Variants in IRAG1 observed in about 807,000 individuals in gnomAD.
The protein encoded by IRAG1 is inositol 1,4,5-triphosphate receptor associated 1, also known as IP3R-associated cGMP kinase substrate.
IRAG1 carries 62 observed loss-of-function variants against 106.2 expected under a neutral mutation model. The ratio of observed to expected loss-of-function variants is 0.58; its 90% CI spans 0.48 to 0.72. IRAG1 has a LOEUF of 0.72. Among genes scored for constraint, IRAG1 ranks in the 30% least tolerant of loss-of-function variants. The pLI is 0.00. For synonymous variants in IRAG1, 462 were observed against 443.9 expected (o/e 1.04, Z -0.51); for missense variants, 1,064 against 1,140.7 (o/e 0.93, Z 0.97).
intron 1 of IRAG1, among the ~76,000 whole-genome samples, chr11:10,655,440 T>C (rs2098839): frequency 0.75 from 113,513 of 152,016 alleles, 43,348 homozygotes; most frequent in East Asian, 0.98. Flanking sequence ...GTTTTACTGT[T>C]CCCAAAGAAT....
intron 9 of IRAG1, among the ~76,000 whole-genome samples, chr11:10,624,738 C>T (rs1856103090): frequency 1.3e-5 from 2 of 152,238 alleles, no homozygotes. Context: ...CTTCAGCACA[C>T]TGGAGTCGGG....
chr11:10,616,455 T>G (rs1451917364), intron 10 of IRAG1, among the ~76,000 whole-genome samples: 5 of 152,172 alleles, frequency 3.3e-5, no homozygotes, highest in African/African-American at 9.7e-5. Context: ...CATTTTGTAC[T>G]TTTTGAATTT....
In IRAG1 at chr11:10,652,461, A is replaced by G. The variant is rs60939842; in HGVS notation, c.68-279T>C. ...GGAGAAATGTGCTTCGAACTCCTCA[A>G]AGCTGTAGCTAATGGAAGATACTCC... On this transcript the variant is annotated intron_variant, in intron 1 of 20. Coordinates refer to ENST00000423302, the MANE Select transcript of IRAG1 (RefSeq NM_130385.4). 4,546 of 701,614 alleles carry G rather than the reference A, an allele frequency of 6.5e-3. 140 individuals carry two copies. The African/African-American group carries it at 0.075, about 12-fold the overall frequency. The allele number at this position is 701,614 out of a possible 1,614,324, so 43.5% of individuals were successfully genotyped here. A position where few individuals can be genotyped will look rare whatever the true frequency, so the allele number is the denominator to read the frequency against.
intron 1 of IRAG1, among the ~76,000 whole-genome samples, chr11:10,692,726 C>T (rs1000086305): frequency 1.3e-5 from 2 of 152,210 alleles, no homozygotes; most frequent in Non-Finnish European, 2.9e-5. Flanking sequence ...GGTCCCAGAC[C>T]CCGGGCTGCT....
intron 11 of IRAG1, among the ~76,000 whole-genome samples, chr11:10,608,080 C>T (rs1854628961): frequency 1.3e-5 from 2 of 152,108 alleles, no homozygotes; most frequent in South Asian, 2.1e-4. Flanking sequence ...TCACATTCTG[C>T]TTTTTTGCTG....
rs1859033065 is a variant in IRAG1, at chr11:10,657,747, G to C, written c.68-5565C>G. 6.6e-6 allele frequency among the ~76,000 whole-genome samples: 1 copy of C among 152,100 alleles called. No homozygotes were observed. The highest frequency in any genetic ancestry group is 6.5e-5 in the Admixed American group (1 of 15,274). ...ACAACTGATGGGGGGAATTGTTGGG[G>C]GTGACTGCACGTGGAGCTCTCTTAG... On this transcript the variant is annotated intron_variant, in intron 1 of 20. Transcript: ENST00000423302. The surrounding 1 kb of genome is among the most constrained non-coding windows in gnomAD (Gnocchi z 4.1).
At chr11:10,624,875 G>C (rs1399560463) in intron 9 of IRAG1, among the ~76,000 whole-genome samples, 1 of 151,886 alleles carries the variant, frequency 6.6e-6, no homozygotes, top group Non-Finnish European at 1.5e-5. Context: ...ATAACCAGAG[G>C]CCCATGAAGG....
intron 20 of IRAG1, among the ~76,000 whole-genome samples, chr11:10,579,111 C>A (rs530834754): frequency 7.2e-5 from 11 of 152,292 alleles, no homozygotes; most frequent in African/African-American, 2.6e-4. Flanking sequence ...GAGGTTCTTT[C>A]ACTGGGGAGA....
intron 5 of IRAG1, among the ~76,000 whole-genome samples, chr11:10,629,210 C>G (rs1225489315): frequency 1.3e-5 from 2 of 152,206 alleles, no homozygotes; most frequent in Non-Finnish European, 2.9e-5. Context: ...AGTACACTTA[C>G]ACACTTGCCC....
chr11:10,625,677 T>A (rs1398448069), intron 9 of IRAG1, among the ~76,000 whole-genome samples: 2 of 152,078 alleles, frequency 1.3e-5, no homozygotes, highest in Admixed American at 6.5e-5. Flanking sequence ...GGGGCCCACA[T>A]GTCCCTCCAC....
At chr11:10,609,381 A>G (rs778554227) in intron 11 of IRAG1, among the ~76,000 whole-genome samples, 10 of 152,166 alleles carry the variant, frequency 6.6e-5, no homozygotes, top group Non-Finnish European at 1.3e-4. Flanking sequence ...TATCTCTACA[A>G]AAAAATATTT....
In IRAG1 at chr11:10,627,996, G is replaced by C. The variant is rs59841977; in HGVS notation, c.682C>G (p.Pro228Ala). 9.7e-5 allele frequency: 156 copies of C among 1,611,260 alleles called. No homozygotes were observed. Among genetic ancestry groups the C allele is most frequent in the Non-Finnish European group, 1.1e-4 (133 of 1,178,176 alleles). Reference sequence around the variant, plus strand: ...ACCTGTGGTGGTGCTCCAGGCAGAGGGGATGGCGGGCCACTGCACACATCC... The same window carrying C: ...ACCTGTGGTGGTGCTCCAGGCAGAGCGGATGGCGGGCCACTGCACACATCC... ...GLDVCSGPPS[P>A]LPGAPPQKGD... The change falls in exon 7 of 21, where the codon CCT becomes GCT. Residue 228 changes from proline to alanine, a missense_variant. Physicochemically the swap from Pro to Ala is conservative, Grantham distance 27 (BLOSUM62 -1). Transcript: ENST00000423302.
chr11:10,606,778 A>G lies in IRAG1; in HGVS notation c.1572-6T>C, dbSNP rs771679360. 6.9e-6 allele frequency: 11 copies of G among 1,582,944 alleles called. No homozygotes were observed. The highest frequency in any genetic ancestry group is 9.5e-6 in the Non-Finnish European group (11 of 1,163,412). ...TTTCAGTGAGTGGAGGGGCACTGTGAAAAAGAAAACACACAATTGAACTGT... is the reference window on the plus strand; with the variant it reads ...TTTCAGTGAGTGGAGGGGCACTGTGGAAAAGAAAACACACAATTGAACTGT... On this transcript the variant is annotated splice_polypyrimidine_tract_variant and splice_region_variant and intron_variant, in intron 11 of 20. Coordinates refer to ENST00000423302, the MANE Select transcript of IRAG1 (RefSeq NM_130385.4).
chr11:10,586,926 G>A (rs560526852), intron 18 of IRAG1, among the ~76,000 whole-genome samples: 2 of 152,336 alleles, frequency 1.3e-5, no homozygotes, highest in South Asian at 2.1e-4. Context: ...TCCCTACTAG[G>A]AATGTTGTAA....
intron 14 of IRAG1, 54 bp from the exon 15 acceptor site, chr11:10,601,113 G>A (rs1853949508): frequency 6.2e-7 from 1 of 1,606,356 alleles, no homozygotes; most frequent in Non-Finnish European, 8.5e-7. Flanking sequence ...AGGCTCCGTT[G>A]GCACTTATTT....
At chr11:10,688,652 C>T (rs1861839340) in intron 1 of IRAG1, among the ~76,000 whole-genome samples, 1 of 152,112 alleles carries the variant, frequency 6.6e-6, no homozygotes, top group Non-Finnish European at 1.5e-5. Context: ...GCTGGGATGA[C>T]TCAACTTCCC....
intron 13 of IRAG1, among the ~76,000 whole-genome samples, chr11:10,603,484 A>G (rs1312378288): frequency 2.6e-5 from 4 of 152,154 alleles, no homozygotes; most frequent in Non-Finnish European, 5.9e-5. Flanking sequence ...TCGTGACCCT[A>G]TGGGAATCGA....
In IRAG1 at chr11:10,573,395, G is replaced by A. The variant is rs999816214; in HGVS notation, c.*2937C>T. 1 of 152,232 alleles carries A rather than the reference G, an allele frequency of 6.6e-6. No individual in the cohort carries two copies. Among genetic ancestry groups the A allele is most frequent in the Non-Finnish European group, 1.5e-5 (1 of 68,082 alleles). 9.4% of individuals were successfully genotyped at this position (152,232 alleles called of 1,614,324 possible). Reference sequence around the variant, plus strand: ...TAAGCAGAGATGTCAGACTTCAGAGGCATTTGGGGGACTCTTCAGATCCAC... The same window carrying A: ...TAAGCAGAGATGTCAGACTTCAGAGACATTTGGGGGACTCTTCAGATCCAC... On this transcript the variant is annotated 3_prime_UTR_variant, in exon 21 of 21. Coordinates refer to ENST00000423302, the MANE Select transcript of IRAG1 (RefSeq NM_130385.4).
chr11:10,677,365 T>G (rs16908162), intron 1 of IRAG1, among the ~76,000 whole-genome samples: 60,918 of 151,992 alleles, frequency 0.4, 12,550 homozygotes, highest in African/African-American at 0.47. Context: ...TGTTTATGAC[T>G]TGAGAGTAAT....
Sources: gnomAD v4.1 joint callset for allele counts (sites outside exome capture counted in the v4.1 genomes callset) on GRCh38, gnomAD v4.1.1 for gene constraint, Gnocchi (gnomAD v3.1) non-coding constraint, MANE v1.5 for transcripts, NCBI Gene and HGNC (gene_info 2026-07-23, HGNC 2026-07-21) for gene names.